The following DNAH11 variants were observed in gnomAD, a reference collection of about 807,000 sequenced individuals.
The protein encoded by DNAH11 is dynein axonemal heavy chain 11.
In DNAH11, 442 loss-of-function variants were observed where a neutral mutation model predicts 526.0. That is an observed-to-expected ratio of 0.84 (90% CI 0.78 to 0.91). The LOEUF (loss-of-function observed/expected upper bound fraction) is 0.91, where lower values mean the gene tolerates loss of function less well. Ranked by LOEUF, DNAH11 falls within the 40% of genes least tolerant of loss-of-function variation. The pLI is 0.00. For synonymous variants in DNAH11, 2,461 were observed against 1,935.9 expected (o/e 1.27, Z -7.12); for missense variants, 6,989 against 5,448.7 (o/e 1.28, Z -8.90).
At chr7:21,544,587 G>A (rs1368963427) in intron 1 of DNAH11, among the ~76,000 whole-genome samples, 1 of 152,174 alleles carries the variant, frequency 6.6e-6, no homozygotes, top group Admixed American at 6.5e-5. Context: ...TTCTTTGATA[G>A]AAATACAAAT....
At chr7:21,771,500 A>G (rs895284880) in intron 55 of DNAH11, among the ~76,000 whole-genome samples, 7 of 152,182 alleles carry the variant, frequency 4.6e-5, no homozygotes, top group African/African-American at 7.2e-5. Flanking sequence ...CAGTGAGCCA[A>G]CTGAGAGAGT....
chr7:21,837,865 A>G (rs536722054), intron 65 of DNAH11, among the ~76,000 whole-genome samples: 18 of 152,314 alleles, frequency 1.2e-4, no homozygotes, highest in South Asian at 4.1e-4. Flanking sequence ...GAAATGATCA[A>G]TGAGATGATG....
intron 12 of DNAH11, 91 bp from the exon 13 acceptor site, chr7:21,590,827 A>G (rs961352326): frequency 1.5e-4 from 121 of 797,428 alleles, no homozygotes; most frequent in Non-Finnish European, 2.0e-4. Flanking sequence ...TAATACTTGG[A>G]TAACATCTTA....
rs1353948865 is a variant in DNAH11 at position 21,816,476 on chromosome 7, C to A, written c.10342C>A (p.Pro3448Thr). Reference sequence around the variant, plus strand: ...AACTCTGATTTTAAAGGTTTCCATTCCACTAACCGAAGGCCTGGACTTGAT... The same window carrying A: ...AACTCTGATTTTAAAGGTTTCCATTACACTAACCGAAGGCCTGGACTTGAT... ...VPFLQQKVSI[P>T]LTEGLDLISM... The change falls in exon 64 of 82, where the codon CCA (proline) becomes ACA (threonine). Residue 3448 changes from proline to threonine, a missense_variant. Physicochemically the swap from Pro to Thr is conservative, Grantham distance 38 (BLOSUM62 -1). Transcript: ENST00000409508. 2 of 1,604,152 alleles carry A rather than the reference C, an allele frequency of 1.2e-6. No individual in the cohort carries two copies. Among genetic ancestry groups the A allele is most frequent in the Non-Finnish European group, 1.7e-6 (2 of 1,175,474 alleles).
In DNAH11 at chr7:21,786,673, C is replaced by G; in HGVS notation, c.9647C>G (p.Thr3216Ser). 6.2e-7 allele frequency: 1 copy of G among 1,613,640 alleles called. No homozygotes were observed. The highest frequency in any genetic ancestry group is 8.5e-7 in the Non-Finnish European group (1 of 1,179,660). The change falls in exon 59 of 82, where the codon ACC (threonine) becomes AGC (serine). Residue 3216 changes from threonine to serine, a missense_variant. Coordinates refer to ENST00000409508, the MANE Select transcript of DNAH11 (RefSeq NM_001277115.2). ...KAFPNPPIAV[T>S]NVTAAVMVLL... The stretch of plus-strand genomic sequence containing the variant: ...TTTCCCAACCCTCCCATCGCAGTTA[C>G]CAATGTTACTGCAGCCGTGATGGTC...
chr7:21,728,804 A>G (rs1785252116), intron 45 of DNAH11, among the ~76,000 whole-genome samples: 1 of 152,260 alleles, frequency 6.6e-6, no homozygotes, highest in Non-Finnish European at 1.5e-5. Context: ...AGAAATCAGA[A>G]GAAAGGGGTC....
At chr7:21,682,729 T>C (rs1783196603) in intron 31 of DNAH11, among the ~76,000 whole-genome samples, 1 of 152,160 alleles carries the variant, frequency 6.6e-6, no homozygotes, top group Non-Finnish European at 1.5e-5. Context: ...CTGTACGTAT[T>C]GTGAAGTGTT....
chr7:21,659,679 G>C (rs1270760208), intron 30 of DNAH11, among the ~76,000 whole-genome samples: 1 of 152,070 alleles, frequency 6.6e-6, no homozygotes, highest in Non-Finnish European at 1.5e-5. Context: ...CCATAAATAT[G>C]AAGTGGCTTT....
chr7:21,602,753 T>G (rs900749200), intron 18 of DNAH11, among the ~76,000 whole-genome samples: 9 of 152,218 alleles, frequency 5.9e-5, no homozygotes, highest in Non-Finnish European at 1.5e-5. Flanking sequence ...CTTTTCTGTT[T>G]GCCTTGACAA....
At chr7:21,750,143 CA>C in intron 53 of DNAH11, 78 bp from the exon 54 acceptor site, 1 of 1,455,332 alleles carries the variant, frequency 6.9e-7, no homozygotes, top group Non-Finnish European at 9.1e-7. Flanking sequence ...TCTTGTAAAA[CA>C]TTTCAAACGT....
intron 2 of DNAH11, among the ~76,000 whole-genome samples, chr7:21,545,388 T>C (rs1354374712): frequency 2.0e-5 from 3 of 151,358 alleles, no homozygotes; most frequent in Admixed American, 2.0e-4. Context: ...GATGCTAATA[T>C]TCAACAGGTG....
At chr7:21,653,319 A>G (rs1781868545) in intron 28 of DNAH11, among the ~76,000 whole-genome samples, 1 of 152,158 alleles carries the variant, frequency 6.6e-6, no homozygotes, top group Non-Finnish European at 1.5e-5. Context: ...CACACGAGTT[A>G]AAAAAATAGT....
intron 2 of DNAH11, among the ~76,000 whole-genome samples, chr7:21,545,719 A>G (rs1397276779): frequency 3.3e-5 from 5 of 152,244 alleles, no homozygotes; most frequent in Non-Finnish European, 5.9e-5. Flanking sequence ...TTTAATGTGC[A>G]TAAGAACTGC....
In DNAH11 at chr7:21,838,814, C is replaced by CACACCT. The variant is rs1562576520; in HGVS notation, c.10692-3730_10692-3729insACACCT. The stretch of plus-strand genomic sequence containing the variant: ...GCCTGATCACAGCTCACGGCAGCCT[C>CACACCT]GACCTCCCAAGGCTCAGGTGATCCT... On this transcript the variant is annotated intron_variant, in intron 65 of 81. Transcript: ENST00000409508. Among the ~76,000 whole-genome samples, 516 of 152,080 alleles carry CACACCT rather than the reference C, an allele frequency of 3.4e-3. 2 individuals carry two copies. Among genetic ancestry groups the CACACCT allele is most frequent in the African/African-American group, 0.012 (488 of 41,470 alleles).
At chr7:21,754,587 G>A (rs1344281074) in intron 54 of DNAH11, among the ~76,000 whole-genome samples, 1 of 151,038 alleles carries the variant, frequency 6.6e-6, no homozygotes, top group African/African-American at 2.4e-5. Context: ...CATCATCACA[G>A]GACTATTAAT....
In DNAH11 at chr7:21,749,745, A is replaced by T. The variant is rs761486568; in HGVS notation, c.8741A>T (p.Asp2914Val). The change falls in exon 53 of 82, where the codon GAT becomes GTT. Residue 2914 changes from aspartate to valine, a missense_variant. Asp to Val is a radical substitution (Grantham distance 152). Coordinates refer to ENST00000409508, the MANE Select transcript of DNAH11 (RefSeq NM_001277115.2). ...KNMPTVFLLT[D>V]AQVLDESFLV... ...ATGCCCACTGTGTTCCTGCTGACAG[A>T]TGCCCAGGTTCTAGATGAGAGCTTC... 1 of 1,614,004 alleles carries T rather than the reference A, an allele frequency of 6.2e-7. No homozygotes were observed. Among genetic ancestry groups the T allele is most frequent in the Non-Finnish European group, 8.5e-7 (1 of 1,179,862 alleles).
chr7:21,844,907 G>A (rs892164603), intron 66 of DNAH11, among the ~76,000 whole-genome samples: 1 of 152,190 alleles, frequency 6.6e-6, no homozygotes, highest in Non-Finnish European at 1.5e-5. Context: ...CCTTACAAAT[G>A]TGCTCACATT....
intron 65 of DNAH11, among the ~76,000 whole-genome samples, chr7:21,822,562 G>A (rs564388328): frequency 1.3e-5 from 2 of 152,198 alleles, no homozygotes; most frequent in South Asian, 4.1e-4. Context: ...TCTTATCTAG[G>A]TTATTGTGAA....
At chr7:21,736,238 TA>T (rs1244158564) in intron 46 of DNAH11, among the ~76,000 whole-genome samples, 1 of 152,202 alleles carries the variant, frequency 6.6e-6, no homozygotes, top group Non-Finnish European at 1.5e-5. Flanking sequence ...CTGTGTTGAG[TA>T]AATGACAGAG....
Sources: gnomAD v4.1 joint callset for allele counts (sites outside exome capture counted in the v4.1 genomes callset) on GRCh38, gnomAD v4.1.1 for gene constraint, MANE v1.5 for transcripts, NCBI Gene and HGNC (gene_info 2026-07-23, HGNC 2026-07-21) for gene names.